Variants in PPP1R9A observed in about 807,000 individuals in gnomAD.
PPP1R9A encodes protein phosphatase 1 regulatory subunit 9A, also known as neurabin-1.
A neutral mutation model predicts 141.9 loss-of-function variants in PPP1R9A; 59 were observed. That is an observed-to-expected ratio of 0.42 (90% CI 0.34 to 0.52). PPP1R9A has a LOEUF of 0.52. Ranked by LOEUF, PPP1R9A falls within the 20% of genes least tolerant of loss-of-function variation. PPP1R9A has a pLI of 0.10. For missense variants in PPP1R9A, 1,444 were observed against 1,611.9 expected (o/e 0.90, Z 1.78); for synonymous variants, 500 against 569.7 (o/e 0.88, Z 1.74).
At chr7:95,247,326 A>G in intron 8 of PPP1R9A, 147 bp from the exon 9 acceptor site, 2 of 573,370 alleles carry the variant, frequency 3.5e-6, no homozygotes. Flanking sequence ...CATTTCACAC[A>G]GTAGACACTT....
Position 95,247,454 on chromosome 7 carries a change from C to T in PPP1R9A, c.2113-19C>T. The T allele has an allele frequency of 6.3e-7, 1 of 1,588,992 alleles. No individual in the cohort carries two copies. Among genetic ancestry groups the T allele is most frequent in the Non-Finnish European group, 8.6e-7 (1 of 1,161,140 alleles). On this transcript the variant is annotated intron_variant, in intron 8 of 19. Coordinates refer to ENST00000433360, the MANE Select transcript of PPP1R9A (RefSeq NM_001166160.2). ...TACACTTTCTTAGTTCAGATTTTTTCTTTCTTTTCAATTTTCAGTTGCAAA... is the reference window on the plus strand; with the variant it reads ...TACACTTTCTTAGTTCAGATTTTTTTTTTCTTTTCAATTTTCAGTTGCAAA...
At chr7:94,931,149 A>G (rs1196826740) in intron 2 of PPP1R9A, among the ~76,000 whole-genome samples, 1 of 152,216 alleles carries the variant, frequency 6.6e-6, no homozygotes, top group Non-Finnish European at 1.5e-5. Context: ...CATGAATATT[A>G]TTCTTCATCA....
chr7:95,258,100 C>G (rs1383275273), intron 12 of PPP1R9A, among the ~76,000 whole-genome samples: 1 of 151,742 alleles, frequency 6.6e-6, no homozygotes. Context: ...ACACTGACTT[C>G]CACAATGGTT....
intron 5 of PPP1R9A, among the ~76,000 whole-genome samples, chr7:95,196,182 A>G (rs10231777): frequency 0.011 from 1,746 of 152,300 alleles, 30 homozygotes; most frequent in African/African-American, 0.04. Context: ...TTGAAAAGAT[A>G]TTTCACTGCA....
intron 12 of PPP1R9A, among the ~76,000 whole-genome samples, chr7:95,256,008 C>T (rs943673596): frequency 6.6e-6 from 1 of 152,094 alleles, no homozygotes; most frequent in Non-Finnish European, 1.5e-5. Context: ...CACCTACCTA[C>T]TCAGTGAGTG....
chr7:95,216,119 G>A (rs1793352769), intron 7 of PPP1R9A, among the ~76,000 whole-genome samples: 1 of 152,178 alleles, frequency 6.6e-6, no homozygotes, highest in Admixed American at 6.5e-5. Flanking sequence ...TAACATTTAA[G>A]TCTTTAATCC....
rs913279816 is a variant in PPP1R9A at position 94,964,580 on chromosome 7, G to A, written c.1395+53072G>A. Among the ~76,000 whole-genome samples the A allele has an allele frequency of 8.8e-4, 134 of 152,122 alleles. 1 individual carries two copies. Among genetic ancestry groups the A allele is most frequent in the Non-Finnish European group, 2.8e-4 (19 of 68,036 alleles). Reference sequence around the variant, plus strand: ...AACTCCAAATTATGAATGAGAACATGTGGTGTTTGGTTTTCTGTTCCTGTC... The same window carrying A: ...AACTCCAAATTATGAATGAGAACATATGGTGTTTGGTTTTCTGTTCCTGTC... On this transcript the variant is annotated intron_variant, in intron 2 of 19. Transcript: ENST00000433360.
intron 2 of PPP1R9A, among the ~76,000 whole-genome samples, chr7:95,074,272 T>C (rs1429457008): frequency 1.3e-5 from 2 of 152,146 alleles, no homozygotes; most frequent in East Asian, 3.8e-4. Flanking sequence ...ATTTTTAGAC[T>C]ATCCCATCTT....
At chr7:95,257,100 G>C (rs1052511424) in intron 12 of PPP1R9A, among the ~76,000 whole-genome samples, 2 of 152,080 alleles carry the variant, frequency 1.3e-5, no homozygotes, top group African/African-American at 4.8e-5. Flanking sequence ...GCTTGGCCCA[G>C]AATAGGGCCA....
intron 14 of PPP1R9A, 21 bp from the exon 15 acceptor site, chr7:95,273,878 T>C (rs1802655161): frequency 2.0e-6 from 3 of 1,467,256 alleles, no homozygotes; most frequent in Admixed American, 1.9e-5. Flanking sequence ...TTGATCTTTT[T>C]CACAAATGTG....
chr7:95,220,955 A>T (rs1794357972), intron 7 of PPP1R9A, among the ~76,000 whole-genome samples: 1 of 152,012 alleles, frequency 6.6e-6, no homozygotes, highest in Admixed American at 6.6e-5. Context: ...GCCTACCCCA[A>T]ACTGGGAATA....
At chr7:94,930,523 G>A (rs1794026954) in intron 2 of PPP1R9A, among the ~76,000 whole-genome samples, 1 of 152,096 alleles carries the variant, frequency 6.6e-6, no homozygotes, top group Non-Finnish European at 1.5e-5. Flanking sequence ...ATTTTTAGTA[G>A]AGACGGCGTT....
chr7:94,992,134 G>A (rs1185249634), intron 2 of PPP1R9A, among the ~76,000 whole-genome samples: 2 of 152,198 alleles, frequency 1.3e-5, no homozygotes, highest in Admixed American at 6.5e-5. Flanking sequence ...TTTTCTTTGA[G>A]TCCTTCTATA....
intron 4 of PPP1R9A, among the ~76,000 whole-genome samples, chr7:95,147,263 A>G (rs1284803883): frequency 6.6e-6 from 1 of 152,126 alleles, no homozygotes; most frequent in Non-Finnish European, 1.5e-5. Context: ...AGCAATTGTG[A>G]ATGGGAGTTC....
chr7:94,907,752 A>G (rs1409506489), intron 1 of PPP1R9A, 50 bp downstream of exon 1: 1 of 151,432 alleles, frequency 6.6e-6, no homozygotes, highest in Non-Finnish European at 1.5e-5. Flanking sequence ...CCTCTCCTCC[A>G]TTACACCGCG....
intron 2 of PPP1R9A, among the ~76,000 whole-genome samples, chr7:95,061,484 C>G (rs1270516345): frequency 6.6e-6 from 1 of 152,136 alleles, no homozygotes; most frequent in Non-Finnish European, 1.5e-5. Flanking sequence ...GCCTATTACC[C>G]CAGCACTTCA....
intron 7 of PPP1R9A, among the ~76,000 whole-genome samples, chr7:95,220,869 C>T (rs956575800): frequency 1.3e-5 from 2 of 152,010 alleles, no homozygotes; most frequent in Non-Finnish European, 2.9e-5. Flanking sequence ...CATCTTGAAT[C>T]CTTGGGGCAG....
intron 5 of PPP1R9A, among the ~76,000 whole-genome samples, chr7:95,197,351 T>G (rs1203388678): frequency 6.6e-6 from 1 of 152,228 alleles, no homozygotes; most frequent in African/African-American, 2.4e-5. Context: ...CACAACACAT[T>G]ATGTTGGCAA....
intron 2 of PPP1R9A, among the ~76,000 whole-genome samples, chr7:95,007,846 C>T (rs974999020): frequency 2.0e-5 from 3 of 151,920 alleles, no homozygotes; most frequent in African/African-American, 4.8e-5. Context: ...CCGAGGCGGG[C>T]GGATCACCTG....
Sources: gnomAD v4.1 joint callset for allele counts (sites outside exome capture counted in the v4.1 genomes callset) on GRCh38, gnomAD v4.1.1 for gene constraint, MANE v1.5 for transcripts, NCBI Gene and HGNC (gene_info 2026-07-23, HGNC 2026-07-21) for gene names.